The following SENP7 variants were observed in gnomAD, a reference collection of about 807,000 sequenced individuals.
SENP7 encodes sentrin-specific protease 7.
SENP7 carries 64 observed loss-of-function variants against 141.2 expected under a neutral mutation model. The ratio of observed to expected loss-of-function variants is 0.45; its 90% CI spans 0.37 to 0.56. The LOEUF is 0.56. Among genes scored for constraint, SENP7 ranks in the 20% least tolerant of loss-of-function variants. The pLI is 0.00. For synonymous variants in SENP7, 382 were observed against 426.4 expected, an observed-to-expected ratio of 0.90 and a Z score of 1.28; for missense variants, 1,025 against 1,212.2, an observed-to-expected ratio of 0.85 and a Z score of 2.29.
At chr3:101,349,932 C>G (rs1174346745) in intron 12 of SENP7, among the ~76,000 whole-genome samples, 1 of 152,074 alleles carries the variant, frequency 6.6e-6, no homozygotes, top group Non-Finnish European at 1.5e-5. Context: ...TCCTAGCTTC[C>G]TTTACAAACG....
At chr3:101,453,477 C>A (rs1334536814) in intron 4 of SENP7, among the ~76,000 whole-genome samples, 1 of 152,116 alleles carries the variant, frequency 6.6e-6, no homozygotes, top group Non-Finnish European at 1.5e-5. Flanking sequence ...AAATGTCCAA[C>A]AATGGTAGAC....
intron 2 of SENP7, among the ~76,000 whole-genome samples, chr3:101,497,594 A>G (rs530164686): frequency 1.3e-5 from 2 of 152,342 alleles, no homozygotes; most frequent in South Asian, 4.1e-4. Context: ...ACTTTGACCA[A>G]CAAATCTGTA....
intron 6 of SENP7, among the ~76,000 whole-genome samples, chr3:101,392,214 C>A (rs1224748359): frequency 6.6e-6 from 1 of 152,056 alleles, no homozygotes; most frequent in Non-Finnish European, 1.5e-5. Context: ...GAAGTCCTAT[C>A]CAGAGCAATT....
Position 101,351,754 on chromosome 3 carries a change from A to G in SENP7, c.1624-103T>C, listed in dbSNP as rs1437722565. The G allele has an allele frequency of 1.3e-5, 11 of 868,592 alleles. No homozygotes were observed. The African/African-American group carries it at 1.6e-4, about 12-fold the overall frequency. 53.8% of individuals were successfully genotyped at this position (868,592 alleles called of 1,614,324 possible). A position where few individuals can be genotyped will look rare whatever the true frequency, so the allele number is the denominator to read the frequency against. ...CAAGTACATATTCAAAGTCTACATT[A>G]TAAGTGCTCAAGCCTTTTTATCAAT... On this transcript the variant is annotated intron_variant, in intron 11 of 23. Transcript: ENST00000394095.
At chr3:101,434,449 A>G (rs2062307608) in intron 4 of SENP7, among the ~76,000 whole-genome samples, 1 of 152,058 alleles carries the variant, frequency 6.6e-6, no homozygotes, top group Non-Finnish European at 1.5e-5. Context: ...AATGAAATTG[A>G]AATTTTAAAA....
intron 10 of SENP7, 70 bp from the exon 11 acceptor site, chr3:101,361,931 C>A: frequency 6.9e-7 from 1 of 1,446,098 alleles, no homozygotes; most frequent in Non-Finnish European, 9.2e-7. Context: ...ATGACTTTCA[C>A]CATCAAATTC....
intron 2 of SENP7, among the ~76,000 whole-genome samples, chr3:101,495,326 G>T (rs573035023): frequency 6.6e-6 from 1 of 152,310 alleles, no homozygotes; most frequent in East Asian, 1.9e-4. Context: ...TTCAACCATT[G>T]TGGAAGACAG....
intron 6 of SENP7, among the ~76,000 whole-genome samples, chr3:101,385,865 A>G (rs2060638793): frequency 6.6e-6 from 1 of 152,244 alleles, no homozygotes; most frequent in South Asian, 2.1e-4. Flanking sequence ...TCCTCAAATG[A>G]GCAGACAACA....
At chr3:101,494,106 T>C in intron 2 of SENP7, 138 bp from the exon 3 acceptor site, 1 of 437,072 alleles carries the variant, frequency 2.3e-6, no homozygotes, top group East Asian at 3.3e-5. Flanking sequence ...GCTTAATTTA[T>C]ATACAATTAA....
chr3:101,456,737 A>C (rs2063362634), intron 4 of SENP7, among the ~76,000 whole-genome samples: 1 of 152,196 alleles, frequency 6.6e-6, no homozygotes, highest in African/African-American at 2.4e-5. Flanking sequence ...ACCACTTTAC[A>C]AGCATTCTTA....
chr3:101,441,321 G>T (rs1016972822), intron 4 of SENP7, among the ~76,000 whole-genome samples: 1 of 152,120 alleles, frequency 6.6e-6, no homozygotes, highest in Non-Finnish European at 1.5e-5. Context: ...CAACACCCAT[G>T]CACACCACCT....
intron 4 of SENP7, among the ~76,000 whole-genome samples, chr3:101,422,973 A>C (rs1375725190): frequency 6.6e-6 from 1 of 152,218 alleles, no homozygotes; most frequent in Non-Finnish European, 1.5e-5. Context: ...TTCAGAAATC[A>C]GAAAAAAGAA....
intron 12 of SENP7, among the ~76,000 whole-genome samples, chr3:101,350,691 C>G (rs2059590945): frequency 6.6e-6 from 1 of 151,964 alleles, no homozygotes; most frequent in Non-Finnish European, 1.5e-5. Context: ...GCTCTGTTAC[C>G]CAGGTCTTTA....
chr3:101,468,888 C>A (rs184755030), intron 3 of SENP7, among the ~76,000 whole-genome samples: 3 of 152,130 alleles, frequency 2.0e-5, no homozygotes, highest in East Asian at 3.8e-4. Context: ...GGGCTAAATA[C>A]CCCAATTAAA....
chr3:101,482,880 C>A (rs1279742560), intron 3 of SENP7, among the ~76,000 whole-genome samples: 1 of 151,992 alleles, frequency 6.6e-6, no homozygotes, highest in African/African-American at 2.4e-5. Flanking sequence ...CAATCCATAT[C>A]AAAACCACAA....
chr3:101,476,816 C>T (rs1217549292), intron 3 of SENP7, among the ~76,000 whole-genome samples: 1 of 152,202 alleles, frequency 6.6e-6, no homozygotes, highest in Non-Finnish European at 1.5e-5. Context: ...GATGGTATCA[C>T]ATTGTGGTTT....
chr3:101,359,832 T>C (rs960480515), intron 11 of SENP7, among the ~76,000 whole-genome samples: 3 of 152,096 alleles, frequency 2.0e-5, no homozygotes, highest in Non-Finnish European at 4.4e-5. Flanking sequence ...TGTAATATTG[T>C]TCCTTTACTA....
At chr3:101,439,985 TGG>T (rs2062589281) in intron 4 of SENP7, among the ~76,000 whole-genome samples, 2 of 67,804 alleles carry the variant, frequency 2.9e-5, no homozygotes, top group East Asian at 3.8e-4. Flanking sequence ...CCGCCCCGTC[TGG>T]GAGGTGAGGG....
At chr3:101,411,492 T>C (rs1194670610) in intron 5 of SENP7, among the ~76,000 whole-genome samples, 1 of 152,170 alleles carries the variant, frequency 6.6e-6, no homozygotes, top group Non-Finnish European at 1.5e-5. Flanking sequence ...TGAAAACTTA[T>C]CCAGTTTGGG....
Sources: gnomAD v4.1 joint callset for allele counts (sites outside exome capture counted in the v4.1 genomes callset) on GRCh38, gnomAD v4.1.1 for gene constraint, MANE v1.5 for transcripts, NCBI Gene and HGNC (gene_info 2026-07-23, HGNC 2026-07-21) for gene names.